The following OSMR variants were observed in gnomAD, a reference collection of about 807,000 sequenced individuals.
OSMR encodes the protein oncostatin M receptor, also known as oncostatin-M-specific receptor subunit beta.
In OSMR, 81 loss-of-function variants were observed where a neutral mutation model predicts 99.9. The observed-to-expected ratio is 0.81, with a 90% CI of 0.68 to 0.97. The LOEUF is 0.97. Ranked by LOEUF, OSMR falls within the 50% of genes least tolerant of loss-of-function variation. The pLI is 0.00. For synonymous variants in OSMR, 406 were observed against 410.4 expected, an observed-to-expected ratio of 0.99 and a Z score of 0.13; for missense variants, 1,099 against 1,153.4, an observed-to-expected ratio of 0.95 and a Z score of 0.68.
At chr5:38,864,784 G>A (rs552158493) in intron 1 of OSMR, among the ~76,000 whole-genome samples, 11 of 152,214 alleles carry the variant, frequency 7.2e-5, no homozygotes, top group African/African-American at 2.6e-4. Flanking sequence ...TCTCGTGCAA[G>A]AATTGGGAAG....
intron 12 of OSMR, 24 bp downstream of exon 12, chr5:38,921,818 C>T (rs573778074): frequency 1.0e-5 from 16 of 1,568,704 alleles, no homozygotes; most frequent in Admixed American, 8.3e-5. Flanking sequence ...TCCATATCAT[C>T]GCATTGCTAT....
At chr5:38,857,216 A>G (rs566976766) in intron 1 of OSMR, among the ~76,000 whole-genome samples, 9 of 152,338 alleles carry the variant, frequency 5.9e-5, no homozygotes, top group African/African-American at 2.2e-4. Context: ...TTTAAAAAAC[A>G]TTTGGCAACA....
At chr5:38,912,832 T>A (rs1244740599) in intron 9 of OSMR, among the ~76,000 whole-genome samples, 1 of 152,118 alleles carries the variant, frequency 6.6e-6, no homozygotes, top group Non-Finnish European at 1.5e-5. Context: ...GGGAAAGGAC[T>A]CCTAATATAA....
rs1745983533 is a variant in OSMR at position 38,917,627 on chromosome 5, G to A, written c.1362+5G>A. 2 of 1,606,170 alleles carry A rather than the reference G, an allele frequency of 1.2e-6. No homozygotes were observed. The highest frequency in any genetic ancestry group is 1.7e-6 in the Non-Finnish European group (2 of 1,172,964). ...ACTGTGACCTTATTCTGGAAGGTAA[G>A]ATGTGCAGATTCCAAAAGTCTGATT... On this transcript the variant is annotated splice_donor_5th_base_variant and intron_variant, in intron 10 of 17. Coordinates refer to ENST00000274276, the MANE Select transcript of OSMR (RefSeq NM_003999.3).
chr5:38,939,571 G>C (rs1378971163), downstream of OSMR: 1 of 230,716 alleles, frequency 4.3e-6, no homozygotes, highest in African/African-American at 2.2e-5. Flanking sequence ...TATTTACTTA[G>C]TATGTGAGGC....
At chr5:38,920,564 G>A (rs1746182513) in intron 11 of OSMR, among the ~76,000 whole-genome samples, 1 of 152,168 alleles carries the variant, frequency 6.6e-6, no homozygotes, top group Non-Finnish European at 1.5e-5. Flanking sequence ...GCCCTCATGG[G>A]CTTTTAGCTT....
In OSMR at chr5:38,904,505, T is replaced by C. The variant is rs771618769; in HGVS notation, c.1285+2T>C. ...AGAACTTCACCACACTTGAAGCTGG[T>C]ATGTTCAGCCCCTGGCATTTAACCC... On this transcript the variant is annotated splice_donor_variant, in intron 9 of 17. Transcript: ENST00000274276. LOFTEE classifies it high-confidence loss of function. 6.2e-7 allele frequency: 1 copy of C among 1,614,032 alleles called. No individual in the cohort carries two copies. Among genetic ancestry groups the C allele is most frequent in the Non-Finnish European group, 8.5e-7 (1 of 1,180,038 alleles).
At chr5:38,904,604 A>G in intron 9 of OSMR, 101 bp downstream of exon 9, 1 of 1,415,408 alleles carries the variant, frequency 7.1e-7, no homozygotes, top group Non-Finnish European at 9.9e-7. Flanking sequence ...AGAGAAAAAT[A>G]TTTAAACAGA....
downstream of OSMR, among the ~76,000 whole-genome samples, chr5:38,935,883 T>C (rs1231082089): frequency 6.6e-6 from 1 of 152,190 alleles, no homozygotes; most frequent in Non-Finnish European, 1.5e-5. Flanking sequence ...TTCTGAAATA[T>C]AACAACATGC....
chr5:38,906,807 A>C (rs1745266658), intron 9 of OSMR, among the ~76,000 whole-genome samples: 2 of 152,194 alleles, frequency 1.3e-5, no homozygotes. Flanking sequence ...ATGTTCCAAA[A>C]CAGTTCTTCT....
intron 12 of OSMR, 84 bp from the exon 13 acceptor site, chr5:38,923,066 G>T (rs553544451): frequency 4.5e-6 from 7 of 1,563,442 alleles, no homozygotes; most frequent in Non-Finnish European, 6.1e-6. Flanking sequence ...GTGAGCCAAC[G>T]TGTCATGCCT....
chr5:38,905,912 T>C (rs1463521884), intron 9 of OSMR, among the ~76,000 whole-genome samples: 1 of 152,172 alleles, frequency 6.6e-6, no homozygotes, highest in Non-Finnish European at 1.5e-5. Flanking sequence ...TTTAAAGCAG[T>C]GACTCTAATT....
At chr5:38,883,804 T>A in intron 4 of OSMR, 23 bp from the exon 5 acceptor site, 1 of 1,612,180 alleles carries the variant, frequency 6.2e-7, no homozygotes, top group Non-Finnish European at 8.5e-7. Context: ...CGATTCTAAC[T>A]TGGCTATTTT....
intron 12 of OSMR, among the ~76,000 whole-genome samples, 169 bp downstream of exon 12, chr5:38,921,963 A>T (rs1022150386): frequency 6.6e-6 from 1 of 152,190 alleles, no homozygotes; most frequent in African/African-American, 2.4e-5. Flanking sequence ...ATGTTCTAAA[A>T]CTTGACCTTT....
rs775726333 is a variant in OSMR, at chr5:38,886,125, C to T, written c.926C>T (p.Thr309Ile). Residue 309 changes from threonine (T) to isoleucine (I), a missense_variant, in exon 7 of 18, where the codon ACA becomes ATA. By Grantham distance (89) the Thr-to-Ile change is moderately conservative. Transcript: ENST00000274276. ...GACTCACAAGAAACCTATAACTTCACACTCATAGCTGAAAATTACTTAAGG... is the reference window on the plus strand; with the variant it reads ...GACTCACAAGAAACCTATAACTTCATACTCATAGCTGAAAATTACTTAAGG... ...TQDSQETYNF[T>I]LIAENYLRKR... 1.2e-6 allele frequency: 2 copies of T among 1,614,020 alleles called. No individual in the cohort carries two copies. The highest frequency in any genetic ancestry group is 3.3e-5 in the Admixed American group (2 of 60,012).
chr5:38,917,223 AAG>A, intron 9 of OSMR, among the ~76,000 whole-genome samples: 1 of 152,324 alleles, frequency 6.6e-6, no homozygotes, highest in East Asian at 1.9e-4. Context: ...AAGTCAAAAA[AAG>A]GGGAAATTTA....
chr5:38,871,448 A>G (rs1209688036), intron 2 of OSMR, among the ~76,000 whole-genome samples: 1 of 152,150 alleles, frequency 6.6e-6, no homozygotes, highest in Non-Finnish European at 1.5e-5. Context: ...TTCTTGTCTC[A>G]ATTTCTGCTG....
intron 8 of OSMR, 144 bp downstream of exon 8, chr5:38,904,168 T>G (rs1183112899): frequency 2.0e-6 from 3 of 1,527,076 alleles, no homozygotes; most frequent in Non-Finnish European, 8.8e-7. Context: ...TCCATGAAAT[T>G]AATCATACAC....
intron 7 of OSMR, among the ~76,000 whole-genome samples, chr5:38,890,287 A>G (rs1744068953): frequency 6.6e-6 from 1 of 152,184 alleles, no homozygotes; most frequent in South Asian, 2.1e-4. Flanking sequence ...TGGCAAATAT[A>G]CTGAACCTGA....
Sources: gnomAD v4.1 joint callset for allele counts (sites outside exome capture counted in the v4.1 genomes callset) on GRCh38, gnomAD v4.1.1 for gene constraint, MANE v1.5 for transcripts, NCBI Gene and HGNC (gene_info 2026-07-23, HGNC 2026-07-21) for gene names.